The following INSIG2 variants were observed in gnomAD, a reference collection of about 807,000 sequenced individuals.
INSIG2 encodes the protein insulin-induced gene 2 protein.
INSIG2 carries 10 observed loss-of-function variants against 27.2 expected under a neutral mutation model. That is an observed-to-expected ratio of 0.37 (90% CI 0.23 to 0.62). The LOEUF (loss-of-function observed/expected upper bound fraction) is 0.62. Ranked by LOEUF, INSIG2 falls within the 20% of genes least tolerant of loss-of-function variation. INSIG2 has a pLI of 0.65. For synonymous variants in INSIG2, 97 were observed against 95.8 expected, an observed-to-expected ratio of 1.01 and a Z score of -0.07; for missense variants, 178 against 270.2, an observed-to-expected ratio of 0.66 and a Z score of 2.39.
Position 118,103,223 on chromosome 2 carries a change from A to C in INSIG2, c.271A>C (p.Ile91Leu). The change falls in exon 3 of 6, where the codon ATT becomes CTT. Residue 91 changes from isoleucine to leucine, a missense_variant. Transcript: ENST00000245787. ...TGTGATTGGGTTATTATACCCCTGC[A>C]TTGACAGACATCTAGGAGAACCACA... is the stretch of plus-strand genomic sequence containing the variant. ...SAVIGLLYPC[I>L]DRHLGEPHKF... 6.2e-7 allele frequency: 1 copy of C among 1,613,736 alleles called. No individual in the cohort carries two copies. Among genetic ancestry groups the C allele is most frequent in the Non-Finnish European group, 8.5e-7 (1 of 1,179,846 alleles).
intron 1 of INSIG2, among the ~76,000 whole-genome samples, chr2:118,089,099 C>T (rs967946500): frequency 2.0e-5 from 3 of 152,076 alleles, no homozygotes; most frequent in Non-Finnish European, 4.4e-5. Context: ...ATAATTCTTG[C>T]CAGGGCCTAG....
At chr2:118,090,464 T>C (rs1348691649) in intron 1 of INSIG2, among the ~76,000 whole-genome samples, 1 of 152,228 alleles carries the variant, frequency 6.6e-6, no homozygotes. Flanking sequence ...TTATAACTCT[T>C]TTTTAACCTG....
Position 118,096,655 on chromosome 2 carries a change from A to G in INSIG2, c.99A>G (p.Val33=). Residue 33 remains valine, a synonymous_variant, in exon 2 of 6, where the codon GTA becomes GTG. Transcript: ENST00000245787. ...GTGTGAACTTGATGATTCGAGGAGT[A>G]GTGCTATTTTTTATTGGAGTATTTC... ...SQSVNLMIRG[V]VLFFIGVFLA... is the part of the protein sequence containing the mutation. 2 of 1,614,010 alleles carry G rather than the reference A, an allele frequency of 1.2e-6. No individual in the cohort carries two copies. Among genetic ancestry groups the G allele is most frequent in the Non-Finnish European group, 1.7e-6 (2 of 1,179,932 alleles).
intron 2 of INSIG2, among the ~76,000 whole-genome samples, chr2:118,100,420 C>T (rs1242496285): frequency 7.1e-6 from 1 of 139,978 alleles, no homozygotes; most frequent in Non-Finnish European, 1.5e-5. Flanking sequence ...ACTCCGTCAC[C>T]TGGGCTGGAG....
chr2:118,099,263 C>T (rs1678484805), intron 2 of INSIG2, among the ~76,000 whole-genome samples: 1 of 152,178 alleles, frequency 6.6e-6, no homozygotes, highest in South Asian at 2.1e-4. Flanking sequence ...TTTGATTTTC[C>T]TGTTCAACTA....
chr2:118,092,907 TA>T (rs936218620), intron 1 of INSIG2, among the ~76,000 whole-genome samples: 1 of 143,030 alleles, frequency 7.0e-6, no homozygotes, highest in African/African-American at 2.7e-5. Flanking sequence ...GTTCTGTAGC[TA>T]CTGAACCTTG....
At chr2:118,101,076 T>G (rs1678533691) in intron 2 of INSIG2, among the ~76,000 whole-genome samples, 1 of 152,210 alleles carries the variant, frequency 6.6e-6, no homozygotes, top group Non-Finnish European at 1.5e-5. Context: ...TTAACAGTCT[T>G]TCTTGTTTTT....
At chr2:118,103,839 A>G (rs1678609671) in intron 3 of INSIG2, among the ~76,000 whole-genome samples, 2 of 152,234 alleles carry the variant, frequency 1.3e-5, no homozygotes, top group Non-Finnish European at 2.9e-5. Context: ...TGGCCAAAAA[A>G]TAAGTTTCTA....
rs572875642 is a variant in INSIG2 at position 118,101,643 on chromosome 2, G to A, written c.245-1554G>A. Among the ~76,000 whole-genome samples, 6 of 152,188 alleles carry A rather than the reference G, an allele frequency of 3.9e-5. 1 individual carries two copies. The highest frequency in any genetic ancestry group is 6.5e-5 in the Admixed American group (1 of 15,300). ...CTTGAGAAAAAAAGAGGTGATATTCGTTTAACTACATTTCAACTGTTAGGG... is the reference window on the plus strand; with the variant it reads ...CTTGAGAAAAAAAGAGGTGATATTCATTTAACTACATTTCAACTGTTAGGG... On this transcript the variant is annotated intron_variant, in intron 2 of 5. Coordinates refer to ENST00000245787, the MANE Select transcript of INSIG2 (RefSeq NM_016133.4).
At chr2:118,107,590 G>A (rs1023318693) in intron 5 of INSIG2, among the ~76,000 whole-genome samples, 1 of 152,200 alleles carries the variant, frequency 6.6e-6, no homozygotes, top group African/African-American at 2.4e-5. Context: ...GATCATTTTA[G>A]TGATGAAGGA....
rs116580466 is a variant in INSIG2 at position 118,101,192 on chromosome 2, A to G, written c.245-2005A>G. ...GTATATATTGCTATCAGACTCTGCCATGCCTTTATTTAAAGGAAAGAAAGA... is the reference window on the plus strand; with the variant it reads ...GTATATATTGCTATCAGACTCTGCCGTGCCTTTATTTAAAGGAAAGAAAGA... On this transcript the variant is annotated intron_variant, in intron 2 of 5. Coordinates refer to ENST00000245787, the MANE Select transcript of INSIG2 (RefSeq NM_016133.4). Among the ~76,000 whole-genome samples, 330 of 152,334 alleles carry G rather than the reference A, an allele frequency of 2.2e-3. 1 individual carries two copies. Among genetic ancestry groups the G allele is most frequent in the African/African-American group, 7.6e-3 (316 of 41,574 alleles).
chr2:118,096,108 AC>A (rs1678398040), intron 1 of INSIG2, among the ~76,000 whole-genome samples: 1 of 152,152 alleles, frequency 6.6e-6, no homozygotes, highest in Admixed American at 6.5e-5. Flanking sequence ...GTGTCAGATT[AC>A]CTGTTCTGCT....
chr2:118,105,092 A>G (rs567600660), intron 3 of INSIG2, among the ~76,000 whole-genome samples: 155 of 152,158 alleles, frequency 1.0e-3, no homozygotes, highest in Middle Eastern at 6.8e-3. Context: ...CCAGGCTGGA[A>G]TGCAGTGGCA....
chr2:118,097,463 GAATAATAAATATTT>G (rs1280875082), intron 2 of INSIG2, among the ~76,000 whole-genome samples: 1 of 152,074 alleles, frequency 6.6e-6, no homozygotes, highest in Non-Finnish European at 1.5e-5. Flanking sequence ...AAGTACCTTA[GAATAATAAATATTT>G]AAAGACATCT....
At chr2:118,097,800 A>G (rs1298458222) in intron 2 of INSIG2, among the ~76,000 whole-genome samples, 3 of 152,254 alleles carry the variant, frequency 2.0e-5, no homozygotes, top group Non-Finnish European at 2.9e-5. Flanking sequence ...ATATCTTGCA[A>G]CATAATATAT....
Position 118,103,311 on chromosome 2 carries a change from A to C in INSIG2, c.359A>C (p.His120Pro). 2.5e-6 allele frequency: 4 copies of C among 1,612,576 alleles called. No homozygotes were observed. Among genetic ancestry groups the C allele is most frequent in the Non-Finnish European group, 3.4e-6 (4 of 1,179,060 alleles). Residue 120 changes from histidine (H) to proline (P), a missense_variant, in exon 3 of 6, where the codon CAT becomes CCT. Transcript: ENST00000245787. Reference protein sequence around the residue: ...RCVAVFVGINHASAKVDFDNN... With the variant: ...RCVAVFVGINPASAKVDFDNN... ...GTAGCAGTCTTTGTTGGTATAAATC[A>C]TGCCAGTGCTGTATCCTTTACTCTG...
intron 1 of INSIG2, among the ~76,000 whole-genome samples, chr2:118,093,300 TGAGGAG>T (rs1204152140): frequency 1.2e-3 from 10 of 8,304 alleles, no homozygotes; most frequent in African/African-American, 3.0e-3. Context: ...ATGATGATGA[TGAGGAG>T]GAGGAGGAGG....
At chr2:118,099,610 G>A (rs185527757) in intron 2 of INSIG2, among the ~76,000 whole-genome samples, 3 of 152,196 alleles carry the variant, frequency 2.0e-5, no homozygotes, top group African/African-American at 7.2e-5. Context: ...AAGACAACTC[G>A]TGTGGATAAA....
chr2:118,100,880 C>T (rs1263514919), intron 2 of INSIG2, among the ~76,000 whole-genome samples: 1 of 152,088 alleles, frequency 6.6e-6, no homozygotes, highest in Non-Finnish European at 1.5e-5. Context: ...TAAGCACATT[C>T]CCATAAAAAA....
Sources: allele counts gnomAD v4.1 joint callset (sites outside exome capture counted in the v4.1 genomes callset), GRCh38; gene constraint gnomAD v4.1.1; transcripts MANE v1.5; gene names NCBI Gene and HGNC (gene_info 2026-07-23, HGNC 2026-07-21).